NTRK2: variants seen among roughly 807,000 people sequenced by gnomAD.
NTRK2 encodes the protein BDNF/NT-3 growth factors receptor.
Under a neutral mutation model 94.5 loss-of-function variants are expected in NTRK2, and 13 were observed. That is an observed-to-expected ratio of 0.14 (90% CI 0.09 to 0.22). The LOEUF is 0.22. Among genes scored for constraint, NTRK2 ranks in the 10% least tolerant of loss-of-function variants. The pLI is 1.00. For synonymous variants in NTRK2, 372 were observed against 407.4 expected (o/e 0.91, Z 1.05); for missense variants, 639 against 1,071.2 (o/e 0.60, Z 5.63).
At chr9:84,877,467 A>C in intron 14 of NTRK2, 2 of 1,065,984 alleles carry the variant, frequency 1.9e-6, no homozygotes, top group Non-Finnish European at 2.3e-6. Flanking sequence ...CCTGCTGGCT[A>C]ATGGGCACTA....
chr9:84,989,981 A>G (rs1828844172), intron 17 of NTRK2, among the ~76,000 whole-genome samples: 1 of 152,216 alleles, frequency 6.6e-6, no homozygotes, highest in Non-Finnish European at 1.5e-5. Flanking sequence ...AACAAGTACA[A>G]TATCCCAACA....
intron 14 of NTRK2, among the ~76,000 whole-genome samples, chr9:84,902,240 A>G (rs143325795): frequency 0.033 from 4,960 of 152,178 alleles, 126 homozygotes; most frequent in Admixed American, 0.044. Context: ...ACTGCCATCA[A>G]TACTATTGGT....
rs1434947924 is a variant in NTRK2 at position 84,702,466 on chromosome 9, A to G, written c.359+47A>G. 10 of 1,463,962 alleles carry G rather than the reference A, an allele frequency of 6.8e-6. No homozygotes were observed. The African/African-American group carries it at 1.1e-4, about 16-fold the overall frequency. The allele number at this position is 1,463,962 out of a possible 1,614,324, so 90.7% of individuals were successfully genotyped here. On this transcript the variant is annotated intron_variant, in intron 4 of 18. Coordinates refer to ENST00000277120, the MANE Select transcript of NTRK2 (RefSeq NM_006180.6). ...TGCTTCCCAGGACCCATTTTATTCAATATTTCCCCCCTCTGTTTATTTTCC... is the reference window on the plus strand; with the variant it reads ...TGCTTCCCAGGACCCATTTTATTCAGTATTTCCCCCCTCTGTTTATTTTCC...
chr9:84,825,008 A>G (rs78700778), intron 12 of NTRK2, among the ~76,000 whole-genome samples: 2 of 150,174 alleles, frequency 1.3e-5, no homozygotes, highest in African/African-American at 4.9e-5. Flanking sequence ...TTTTTTTTTA[A>G]CTGAGTTCAT....
chr9:84,930,080 G>C (rs115171093), intron 14 of NTRK2, among the ~76,000 whole-genome samples: 162 of 152,316 alleles, frequency 1.1e-3, no homozygotes, highest in African/African-American at 3.6e-3. Flanking sequence ...AGCCCTTCAA[G>C]ATACTGATAT....
intron 12 of NTRK2, among the ~76,000 whole-genome samples, chr9:84,800,964 T>A (rs1258387683): frequency 6.6e-6 from 1 of 152,200 alleles, no homozygotes; most frequent in Non-Finnish European, 1.5e-5. Flanking sequence ...TTTCCATGAC[T>A]TTTTGCTTCA....
At chr9:84,959,424 A>G (rs1335854921) in intron 17 of NTRK2, among the ~76,000 whole-genome samples, 1 of 152,220 alleles carries the variant, frequency 6.6e-6, no homozygotes, top group African/African-American at 2.4e-5. Flanking sequence ...TAGAAGTCCA[A>G]GCCTTCCACT....
intron 16 of NTRK2, among the ~76,000 whole-genome samples, chr9:84,948,895 G>A (rs1382673211): frequency 6.6e-6 from 1 of 152,220 alleles, no homozygotes; most frequent in Non-Finnish European, 1.5e-5. Context: ...TTGCTACATG[G>A]AGTGGTATGT....
chr9:84,679,112 C>T (rs1189227773), intron 2 of NTRK2, among the ~76,000 whole-genome samples: 1 of 152,160 alleles, frequency 6.6e-6, no homozygotes, highest in Admixed American at 6.5e-5. Flanking sequence ...ATGAAACCTC[C>T]CAGAACCTTG....
intron 14 of NTRK2, among the ~76,000 whole-genome samples, chr9:84,879,825 C>T (rs2132194798): frequency 6.6e-6 from 1 of 152,108 alleles, no homozygotes; most frequent in Middle Eastern, 3.4e-3. Context: ...GGTGTATTAA[C>T]CTTTGGATCT....
At chr9:84,975,201 A>G (rs116205602) in intron 17 of NTRK2, among the ~76,000 whole-genome samples, 255 of 152,224 alleles carry the variant, frequency 1.7e-3, no homozygotes, top group African/African-American at 5.7e-3. Context: ...ACTCAAGAGA[A>G]GTGGAGCTTT....
At chr9:84,744,857 G>A (rs2132373707) in intron 10 of NTRK2, 116 bp from the exon 11 acceptor site, 1 of 824,702 alleles carries the variant, frequency 1.2e-6, no homozygotes, top group Non-Finnish European at 2.2e-6. Flanking sequence ...ACTGTCGGGG[G>A]TTTGGAATCT....
At chr9:84,783,821 G>A (rs938176941) in intron 12 of NTRK2, among the ~76,000 whole-genome samples, 1 of 151,924 alleles carries the variant, frequency 6.6e-6, no homozygotes, top group Non-Finnish European at 1.5e-5. Flanking sequence ...TGGGTTGTGG[G>A]GGCAGGGCAT....
intron 14 of NTRK2, chr9:84,873,607 T>C (rs2075955508): frequency 1.9e-6 from 2 of 1,052,976 alleles, no homozygotes; most frequent in East Asian, 1.1e-4. Flanking sequence ...GCAACTTGAG[T>C]TTCTTAAAAG....
At chr9:84,967,207 A>T (rs78443421) in intron 17 of NTRK2, among the ~76,000 whole-genome samples, 1,851 of 152,330 alleles carry the variant, frequency 0.012, 42 homozygotes, top group African/African-American at 0.041. Context: ...AGCAAGCAGC[A>T]GGTGGAAAGT....
chr9:84,926,217 T>TCTTTCTTA, intron 14 of NTRK2, among the ~76,000 whole-genome samples: 1 of 135,650 alleles, frequency 7.4e-6, no homozygotes, highest in Admixed American at 7.6e-5. Context: ...TTTCTTTCTT[T>TCTTTCTTA]CTTTCTTTCT....
chr9:84,883,660 G>A (rs1480472023), intron 14 of NTRK2, among the ~76,000 whole-genome samples: 1 of 152,170 alleles, frequency 6.6e-6, no homozygotes, highest in African/African-American at 2.4e-5. Context: ...AGAATCTACT[G>A]ATTGATATTT....
intron 10 of NTRK2, among the ~76,000 whole-genome samples, chr9:84,742,755 C>T (rs1020893564): frequency 4.1e-5 from 6 of 144,856 alleles, no homozygotes; most frequent in African/African-American, 5.2e-5. Context: ...CTCTCAGGAA[C>T]GTGGAAAGAA....
At chr9:84,973,983 C>T (rs2133164530) in intron 17 of NTRK2, among the ~76,000 whole-genome samples, 1 of 71,598 alleles carries the variant, frequency 1.4e-5, no homozygotes, top group East Asian at 2.3e-4. Context: ...TATGTTTAAC[C>T]CCCATGAATC....
Sources: gnomAD v4.1 joint callset for allele counts (sites outside exome capture counted in the v4.1 genomes callset) on GRCh38, gnomAD v4.1.1 for gene constraint, MANE v1.5 for transcripts, NCBI Gene and HGNC (gene_info 2026-07-23, HGNC 2026-07-21) for gene names.